Variants in STK32A observed in about 807,000 individuals in gnomAD.
STK32A encodes the protein serine/threonine-protein kinase 32A.
Under a neutral mutation model 53.2 loss-of-function variants are expected in STK32A, and 41 were observed. That is an observed-to-expected ratio of 0.77 (90% CI 0.60 to 1.00). The LOEUF (loss-of-function observed/expected upper bound fraction) is 1.00, where lower values mean the gene tolerates loss of function less well. Ranked by LOEUF, STK32A falls within the 50% of genes least tolerant of loss-of-function variation. The pLI is 0.00. For synonymous variants in STK32A, 166 were observed against 162.8 expected (o/e 1.02, Z -0.15); for missense variants, 458 against 485.8 (o/e 0.94, Z 0.54).
chr5:147,267,064 G>T (rs34183645), intron 2 of STK32A, among the ~76,000 whole-genome samples: 13,507 of 151,718 alleles, frequency 0.089, 784 homozygotes, highest in Middle Eastern at 0.18. Context: ...AACATTCTGG[G>T]CTGAAACAAA....
chr5:147,263,178 C>A (rs569718268), intron 2 of STK32A, among the ~76,000 whole-genome samples: 2 of 152,156 alleles, frequency 1.3e-5, no homozygotes, highest in Non-Finnish European at 2.9e-5. Context: ...TACTGGCAGC[C>A]AAGGACTCAC....
chr5:147,371,081 C>T (rs1392647561), intron 9 of STK32A, among the ~76,000 whole-genome samples: 1 of 152,132 alleles, frequency 6.6e-6, no homozygotes, highest in Non-Finnish European at 1.5e-5. Flanking sequence ...AACCAGGACT[C>T]ATTTGTCATC....
At position 147,370,702 on chromosome 5, in the gene STK32A, A is replaced by C; in HGVS notation, c.709A>C (p.Thr237Pro). 6.2e-7 allele frequency: 1 copy of C among 1,612,680 alleles called. No homozygotes were observed. The highest frequency in any genetic ancestry group is 8.5e-7 in the Non-Finnish European group (1 of 1,178,916). ...SSTSSKEIVHTFETTVVTYPS... is the reference protein window; with the variant it reads ...SSTSSKEIVHPFETTVVTYPS... The stretch of plus-strand genomic sequence containing the variant: ...TACTTCCAGCAAGGAAATTGTACAC[A>C]CGTTTGAGACGACTGTTGTAACTTA... The change falls in exon 9 of 13, where the codon ACG becomes CCG. Residue 237 changes from threonine to proline, a missense_variant. Coordinates refer to ENST00000397936, the MANE Select transcript of STK32A (RefSeq NM_001112724.2).
intron 7 of STK32A, among the ~76,000 whole-genome samples, chr5:147,351,825 G>A (rs1755999781): frequency 6.6e-6 from 1 of 151,988 alleles, no homozygotes; most frequent in African/African-American, 2.4e-5. Flanking sequence ...CCAGCCTGGC[G>A]ACAAAGCGAG....
intron 5 of STK32A, among the ~76,000 whole-genome samples, chr5:147,329,079 A>C (rs1331904050): frequency 6.6e-6 from 1 of 152,202 alleles, no homozygotes; most frequent in African/African-American, 2.4e-5. Context: ...ATTACAGTAC[A>C]ACAGAGAGAG....
intron 2 of STK32A, among the ~76,000 whole-genome samples, chr5:147,260,310 TC>T (rs1313255031): frequency 5.3e-5 from 8 of 150,710 alleles, no homozygotes; most frequent in East Asian, 4.0e-4. Context: ...TCTCTCTCTC[TC>T]TCTCTCTTCT....
chr5:147,280,866 AC>A (rs1003443984), intron 4 of STK32A, among the ~76,000 whole-genome samples: 18 of 152,026 alleles, frequency 1.2e-4, no homozygotes, highest in African/African-American at 4.3e-4. Flanking sequence ...AAAGCTAAGA[AC>A]CCTTACAGAG....
intron 4 of STK32A, among the ~76,000 whole-genome samples, chr5:147,283,178 C>A (rs748447587): frequency 3.3e-5 from 5 of 152,230 alleles, no homozygotes; most frequent in Middle Eastern, 3.4e-3. Context: ...AATTAAATAA[C>A]CTGCTCCTGA....
At chr5:147,366,683 A>G (rs929702147) in intron 8 of STK32A, among the ~76,000 whole-genome samples, 1 of 152,234 alleles carries the variant, frequency 6.6e-6, no homozygotes, top group African/African-American at 2.4e-5. Flanking sequence ...AATCAGCTGT[A>G]GTCTCTAAGG....
chr5:147,236,730 G>A (rs190153739), intron 1 of STK32A, among the ~76,000 whole-genome samples: 10 of 152,202 alleles, frequency 6.6e-5, no homozygotes, highest in Admixed American at 2.0e-4. Context: ...CACTTGGTCC[G>A]TGGTGAACAA....
downstream of STK32A, among the ~76,000 whole-genome samples, chr5:147,388,932 G>A (rs75003837): frequency 3.1e-3 from 470 of 152,334 alleles, 26 homozygotes; most frequent in East Asian, 0.081. Context: ...CCTCGGTCAT[G>A]AGCAGGGAGA....
chr5:147,380,851 C>T (rs919282485), intron 11 of STK32A, among the ~76,000 whole-genome samples: 2 of 152,210 alleles, frequency 1.3e-5, no homozygotes, highest in African/African-American at 2.4e-5. Context: ...GGTAGAACCT[C>T]CAAGCTACAT....
chr5:147,360,821 A>C (rs1382113872), intron 7 of STK32A, among the ~76,000 whole-genome samples: 1 of 152,174 alleles, frequency 6.6e-6, no homozygotes, highest in Non-Finnish European at 1.5e-5. Flanking sequence ...TTATTCTTAG[A>C]AGGGTAAGTA....
At chr5:147,235,466 T>G (rs1753272813) in intron 1 of STK32A, among the ~76,000 whole-genome samples, 1 of 152,230 alleles carries the variant, frequency 6.6e-6, no homozygotes. Flanking sequence ...TTTCTGCTTG[T>G]TCTCCAGCAT....
chr5:147,282,564 A>T, intron 4 of STK32A, among the ~76,000 whole-genome samples: 1 of 152,204 alleles, frequency 6.6e-6, no homozygotes, highest in Non-Finnish European at 1.5e-5. Context: ...GTACATAAGT[A>T]CTCACATAAA....
the STK32A span, chr5:147,401,399 C>T: frequency 1.0e-6 from 1 of 966,544 alleles, no homozygotes; most frequent in Non-Finnish European, 1.5e-6. Flanking sequence ...ACGCTCAAGA[C>T]TGTAAAAGAA....
intron 1 of STK32A, among the ~76,000 whole-genome samples, chr5:147,235,746 A>C (rs1753284705): frequency 6.6e-6 from 1 of 152,228 alleles, no homozygotes; most frequent in African/African-American, 2.4e-5. Flanking sequence ...TGTTTGTAAA[A>C]TCATAGAAGG....
intron 5 of STK32A, among the ~76,000 whole-genome samples, chr5:147,337,984 A>G (rs1755220647): frequency 1.3e-5 from 2 of 152,194 alleles, no homozygotes; most frequent in South Asian, 4.1e-4. Context: ...GAGGCAAGTC[A>G]AGGAACTGAG....
At chr5:147,340,164 T>A (rs1195585689) in intron 5 of STK32A, among the ~76,000 whole-genome samples, 1 of 152,214 alleles carries the variant, frequency 6.6e-6, no homozygotes, top group Non-Finnish European at 1.5e-5. Context: ...TTTGTCACCA[T>A]CTTGGTTTTG....
Sources: gnomAD v4.1 joint callset for allele counts (sites outside exome capture counted in the v4.1 genomes callset) on GRCh38, gnomAD v4.1.1 for gene constraint, MANE v1.5 for transcripts, NCBI Gene and HGNC (gene_info 2026-07-23, HGNC 2026-07-21) for gene names.